Variants in PPP2R2B observed in about 807,000 individuals in gnomAD.
The protein encoded by PPP2R2B is protein phosphatase 2 regulatory subunit Bbeta.
PPP2R2B carries 5 observed loss-of-function variants against 46.0 expected under a neutral mutation model. The observed-to-expected ratio is 0.11, with a 90% CI of 0.06 to 0.23. The LOEUF is 0.23. Ranked by LOEUF, PPP2R2B falls within the 10% of genes least tolerant of loss-of-function variation. PPP2R2B has a pLI of 1.00. For synonymous variants in PPP2R2B, 215 were observed against 206.7 expected (o/e 1.04, Z -0.34); for missense variants, 367 against 575.0 (o/e 0.64, Z 3.70).
upstream of PPP2R2B, among the ~76,000 whole-genome samples, chr5:146,882,594 A>G (rs1561985391): frequency 3.9e-5 from 6 of 152,180 alleles, no homozygotes; most frequent in South Asian, 1.2e-3. Context: ...TAATACGTGG[A>G]AAAAATACAT....
chr5:146,597,098 CA>C (rs1581674890), intron 8 of PPP2R2B, among the ~76,000 whole-genome samples: 1 of 152,202 alleles, frequency 6.6e-6, no homozygotes. Flanking sequence ...GTCATGCCAT[CA>C]AACTAAGCTT....
At chr5:146,834,858 A>G (rs1759182826) in intron 2 of PPP2R2B, among the ~76,000 whole-genome samples, 1 of 152,132 alleles carries the variant, frequency 6.6e-6, no homozygotes, top group East Asian at 1.9e-4. Flanking sequence ...CTCCACTTAT[A>G]AGTAAGAACA....
intron 1 of PPP2R2B, among the ~76,000 whole-genome samples, chr5:147,020,375 C>A (rs948655197): frequency 6.6e-6 from 1 of 151,948 alleles, no homozygotes; most frequent in Non-Finnish European, 1.5e-5. Flanking sequence ...GGGTAGGAAA[C>A]ATGTTGACTT....
At chr5:146,821,433 G>A (rs1054537679) in intron 2 of PPP2R2B, among the ~76,000 whole-genome samples, 1 of 152,152 alleles carries the variant, frequency 6.6e-6, no homozygotes, top group African/African-American at 2.4e-5. Flanking sequence ...AAACAGCTAA[G>A]CATGGCTCTC....
At chr5:146,680,885 T>A (rs184097727) in intron 5 of PPP2R2B, among the ~76,000 whole-genome samples, 1 of 152,180 alleles carries the variant, frequency 6.6e-6, no homozygotes, top group African/African-American at 2.4e-5. Flanking sequence ...GAATAAAATA[T>A]ATTTTTCTGT....
In PPP2R2B at chr5:146,824,891, G is replaced by T. The variant is rs140536860; in HGVS notation, c.70+53111C>A. On this transcript the variant is annotated intron_variant, in intron 2 of 9. Transcript: ENST00000394411. ...CACCACCACACCTGGCTAATTTTTT[G>T]TGTGTGTTTTTAGTAGAGACAGGGC... 9.8e-3 allele frequency among the ~76,000 whole-genome samples: 1,484 copies of T among 151,956 alleles called. 25 individuals carry two copies. Among genetic ancestry groups the T allele is most frequent in the African/African-American group, 0.034 (1,393 of 41,424 alleles).
intron 2 of PPP2R2B, among the ~76,000 whole-genome samples, chr5:146,727,351 T>C (rs574714344): frequency 1.7e-4 from 26 of 152,180 alleles, no homozygotes; most frequent in Admixed American, 1.4e-3. Context: ...GATGAATAAT[T>C]GTACATATTT....
chr5:146,796,253 T>C (rs747584074), intron 2 of PPP2R2B, among the ~76,000 whole-genome samples: 6 of 152,124 alleles, frequency 3.9e-5, no homozygotes, highest in Non-Finnish European at 8.8e-5. Flanking sequence ...CCACGTATGC[T>C]CCCATACGTC....
At chr5:146,705,727 T>C (rs1409783527) in intron 2 of PPP2R2B, among the ~76,000 whole-genome samples, 1 of 152,078 alleles carries the variant, frequency 6.6e-6, no homozygotes, top group Admixed American at 6.5e-5. Flanking sequence ...GAGCATATTT[T>C]CCACAAATAG....
At chr5:146,811,211 G>A (rs1757521265) in intron 2 of PPP2R2B, among the ~76,000 whole-genome samples, 1 of 152,180 alleles carries the variant, frequency 6.6e-6, no homozygotes, top group African/African-American at 2.4e-5. Context: ...TGTTGGCCAG[G>A]ATTGTCTTGA....
intron 2 of PPP2R2B, among the ~76,000 whole-genome samples, chr5:146,763,272 C>T (rs1474633388): frequency 1.3e-5 from 2 of 152,180 alleles, no homozygotes; most frequent in African/African-American, 4.8e-5. Flanking sequence ...GGGAAATGTG[C>T]TATTTGATAA....
At chr5:146,944,919 A>T (rs1342974926) in intron 1 of PPP2R2B, among the ~76,000 whole-genome samples, 1 of 152,162 alleles carries the variant, frequency 6.6e-6, no homozygotes, top group Admixed American at 6.6e-5. Context: ...TAGTGATTAG[A>T]TCAGCTTCTG....
chr5:146,897,623 CTG>C (rs1480714678), intron 1 of PPP2R2B, among the ~76,000 whole-genome samples: 1 of 151,990 alleles, frequency 6.6e-6, no homozygotes, highest in Non-Finnish European at 1.5e-5. Flanking sequence ...GAAACCTACA[CTG>C]TGAGGGGAAA....
intron 2 of PPP2R2B, among the ~76,000 whole-genome samples, chr5:146,811,075 C>T (rs2151318919): frequency 6.6e-6 from 1 of 152,272 alleles, no homozygotes; most frequent in South Asian, 2.1e-4. Flanking sequence ...GCGATCTCAG[C>T]TCACTGCAAC....
chr5:146,597,398 G>C (rs552561600), intron 8 of PPP2R2B, among the ~76,000 whole-genome samples: 5 of 152,052 alleles, frequency 3.3e-5, no homozygotes, highest in Admixed American at 6.6e-5. Context: ...CTAGTATGTT[G>C]ATTCTATCAA....
At chr5:146,852,307 T>C (rs1184232901) in intron 2 of PPP2R2B, among the ~76,000 whole-genome samples, 1 of 152,140 alleles carries the variant, frequency 6.6e-6, no homozygotes, top group African/African-American at 2.4e-5. Context: ...GACAAAGCCC[T>C]CTGTTTACAC....
intron 1 of PPP2R2B, among the ~76,000 whole-genome samples, chr5:146,929,903 C>T (rs749653376): frequency 6.6e-6 from 1 of 152,124 alleles, no homozygotes; most frequent in African/African-American, 2.4e-5. Flanking sequence ...TAAAGAGGGC[C>T]TAATACATAG....
In PPP2R2B at chr5:146,680,304, C is replaced by T. The variant is rs547984910; in HGVS notation, c.447+10824G>A. On this transcript the variant is annotated intron_variant, in intron 5 of 9. Coordinates refer to ENST00000394411, the MANE Select transcript of PPP2R2B (RefSeq NM_181675.4). ...GTAAACTATCGCAAGAACAAAAAAC[C>T]AAACACCGCATATTCTCACTCATAG... is the stretch of plus-strand genomic sequence containing the variant. Among the ~76,000 whole-genome samples the T allele has an allele frequency of 1.4e-3, 205 of 147,572 alleles. 1 individual carries two copies. Among genetic ancestry groups the T allele is most frequent in the African/African-American group, 4.6e-3 (185 of 39,802 alleles).
At chr5:146,857,312 T>C (rs1209995509) in intron 2 of PPP2R2B, among the ~76,000 whole-genome samples, 1 of 151,998 alleles carries the variant, frequency 6.6e-6, no homozygotes, top group South Asian at 2.1e-4. Context: ...TAAGAAGAAA[T>C]ATTCAAAATA....
Sources: gnomAD v4.1 joint callset for allele counts (sites outside exome capture counted in the v4.1 genomes callset) on GRCh38, gnomAD v4.1.1 for gene constraint, MANE v1.5 for transcripts, NCBI Gene and HGNC (gene_info 2026-07-23, HGNC 2026-07-21) for gene names.